The following PLEKHG3 variants were observed in gnomAD, a reference collection of about 807,000 sequenced individuals.
PLEKHG3 encodes the protein pleckstrin homology and RhoGEF domain containing G3.
In PLEKHG3, 62 loss-of-function variants were observed where a neutral mutation model predicts 94.9. The observed-to-expected ratio is 0.65, with a 90% CI of 0.53 to 0.81. The LOEUF is 0.81. PLEKHG3 is among the 30% of genes least tolerant of loss of function. PLEKHG3 has a pLI of 0.00. For synonymous variants in PLEKHG3, 614 were observed against 654.0 expected, an observed-to-expected ratio of 0.94 and a Z score of 0.93; for missense variants, 1,461 against 1,619.3, an observed-to-expected ratio of 0.90 and a Z score of 1.68.
At chr14:64,736,308 C>T (rs1195866751) in intron 12 of PLEKHG3, among the ~76,000 whole-genome samples, 5 of 152,232 alleles carry the variant, frequency 3.3e-5, no homozygotes, top group Non-Finnish European at 2.9e-5. Context: ...TCCGTACAGC[C>T]GGGCAACTCT....
chr14:64,731,124 C>T lies in PLEKHG3; in HGVS notation c.804C>T (p.Tyr268=). 1.9e-6 allele frequency: 3 copies of T among 1,611,274 alleles called. No individual in the cohort carries two copies. Among genetic ancestry groups the T allele is most frequent in the Non-Finnish European group, 2.5e-6 (3 of 1,177,912 alleles). The change falls in exon 7 of 17, where the codon TAC becomes TAT. Residue 268 remains tyrosine (Y), a synonymous_variant. Transcript: ENST00000247226. The surrounding 1 kb of genome is among the most constrained non-coding windows in gnomAD (Gnocchi z 6.1). The part of the protein sequence containing the change: ...AIDTMTCVAW[Y]INDMKRRHEH... ...ACACCATGACCTGTGTGGCCTGGTA[C>T]ATCAACGACATGAAGAGGAGGCATG...
chr14:64,738,030 G>C lies in PLEKHG3; in HGVS notation c.1404+655G>C. 1 of 1,289,494 alleles carries C rather than the reference G, an allele frequency of 7.8e-7. No individual in the cohort carries two copies. Among genetic ancestry groups the C allele is most frequent in the Non-Finnish European group, 1.0e-6 (1 of 989,460 alleles). The allele number at this position is 1,289,494 out of a possible 1,614,324, so 79.9% of individuals were successfully genotyped here. A position where few individuals can be genotyped will look rare whatever the true frequency, so the allele number is the denominator to read the frequency against. Reference sequence around the variant, plus strand: ...AGAGCAGGCCTTTCAGGTCTCTCTGGAGGACCTGACAGGGCATGAAGGCAA... The same window carrying C: ...AGAGCAGGCCTTTCAGGTCTCTCTGCAGGACCTGACAGGGCATGAAGGCAA... On this transcript the variant is annotated intron_variant, in intron 14 of 16. Transcript: ENST00000247226. This position sits in a 1 kb window ranked among gnomAD's most constrained non-coding sequence, Gnocchi z 4.8.
Position 64,741,613 on chromosome 14 carries a change from G to C in PLEKHG3, c.2096G>C (p.Arg699Pro), listed in dbSNP as rs757916685. The C allele has an allele frequency of 1.2e-6, 2 of 1,612,788 alleles. No homozygotes were observed. The highest frequency in any genetic ancestry group is 2.7e-5 in the African/African-American group (2 of 74,946). ...PSPGCPVEPD[R>P]SSCKKKESAL... ...CCAGGCTGCCCAGTGGAGCCTGACC[G>C]GTCTTCCTGCAAGAAGAAGGAATCA... Residue 699 changes from arginine (R) to proline (P), a missense_variant, in exon 16 of 17, where the codon CGG becomes CCG. Around this residue, in one of 3 missense-constraint regions of PLEKHG3, gnomAD observed 1,201 missense variants for 1,295.5 expected, o/e 0.93. Coordinates refer to ENST00000247226, the MANE Select transcript of PLEKHG3 (RefSeq NM_001308147.2).
Position 64,717,515 on chromosome 14 carries a change from T to C in PLEKHG3, c.-39-10078T>C, listed in dbSNP as rs2081190298. ...CTCCTCCCCCAGCCCAGTTGAGAGC[T>C]GCTGGCCTGAAATTCCTCTGAGAGA... On this transcript the variant is annotated intron_variant, in intron 1 of 16. Coordinates refer to ENST00000247226, the MANE Select transcript of PLEKHG3 (RefSeq NM_001308147.2). The surrounding 1 kb of genome is among the most constrained non-coding windows in gnomAD (Gnocchi z 4.7). Among the ~76,000 whole-genome samples the C allele has an allele frequency of 6.6e-6, 1 of 152,208 alleles. No individual in the cohort carries two copies.
chr14:64,708,198 T>C (rs1258374736), intron 1 of PLEKHG3, among the ~76,000 whole-genome samples: 2 of 152,198 alleles, frequency 1.3e-5, no homozygotes, highest in Admixed American at 6.5e-5. Context: ...AGGTATGTCC[T>C]ATGCCCACCC....
chr14:64,728,917 C>G lies in PLEKHG3; in HGVS notation c.352-79C>G. On this transcript the variant is annotated intron_variant, in intron 2 of 16. Coordinates refer to ENST00000247226, the MANE Select transcript of PLEKHG3 (RefSeq NM_001308147.2). This position sits in a 1 kb window ranked among gnomAD's most constrained non-coding sequence, Gnocchi z 5.9. The stretch of plus-strand genomic sequence containing the variant: ...TCCGTGAAGTGGTGTTACAGCAGGG[C>G]CGAAACGAGGTGTGGCTAGGGAAGG... 1.7e-6 allele frequency: 1 copy of G among 597,474 alleles called. No individual in the cohort carries two copies. The highest frequency in any genetic ancestry group is 3.0e-5 in the East Asian group (1 of 33,340). 37.0% of individuals were successfully genotyped at this position (597,474 alleles called of 1,614,324 possible). A position where few individuals can be genotyped will look rare whatever the true frequency, so the allele number is the denominator to read the frequency against.
At position 64,749,187 on chromosome 14, in the gene PLEKHG3, C is replaced by T. The variant is rs2081900179; in HGVS notation, c.*5484C>T. ...TGCAGTGCAGCGTGGGGCCCGGGGG[C>T]CCGGCCCGCGACTCGACTCATCTCG... On this transcript the variant is annotated 3_prime_UTR_variant, in exon 17 of 17. Coordinates refer to ENST00000247226, the MANE Select transcript of PLEKHG3 (RefSeq NM_001308147.2). This position sits in a 1 kb window ranked among gnomAD's most constrained non-coding sequence, Gnocchi z 4.7. The T allele has an allele frequency of 2.3e-6, 3 of 1,280,362 alleles. No homozygotes were observed. Among genetic ancestry groups the T allele is most frequent in the African/African-American group, 3.0e-5 (2 of 66,770 alleles). The allele number at this position is 1,280,362 out of a possible 1,614,324, so 79.3% of individuals were successfully genotyped here.
Position 64,716,802 on chromosome 14 carries a change from A to G in PLEKHG3, c.-39-10791A>G, listed in dbSNP as rs911640136. On this transcript the variant is annotated intron_variant, in intron 1 of 16. Coordinates refer to ENST00000247226, the MANE Select transcript of PLEKHG3 (RefSeq NM_001308147.2). This position sits in a 1 kb window ranked among gnomAD's most constrained non-coding sequence, Gnocchi z 5.0. ...CAAGGCCTCACTTTTCAAGGAGTAG[A>G]CGCTGCTTCCTCGGCCGTGTCTCTA... Among the ~76,000 whole-genome samples, 5 of 152,106 alleles carry G rather than the reference A, an allele frequency of 3.3e-5. No individual in the cohort carries two copies. The highest frequency in any genetic ancestry group is 9.7e-5 in the African/African-American group (4 of 41,402).
chr14:64,741,945 C>T lies in PLEKHG3; in HGVS notation c.2428C>T (p.Pro810Ser). Residue 810 changes from proline to serine, a missense_variant, in exon 16 of 17, where the codon CCA (proline) becomes TCA (serine). This residue lies in a region of PLEKHG3 where 1,201 missense variants were observed against 1,295.5 expected (regional missense o/e 0.93). Transcript: ENST00000247226. ...TCCCATCTCAGATGCTGAGTTCCGC[C>T]CATCTTCAGAAATTGTGAAGATCTG... The part of the protein sequence containing the change: ...PPPISDAEFR[P>S]SSEIVKIWEG... The T allele has an allele frequency of 6.3e-7, 1 of 1,579,368 alleles. No homozygotes were observed. Among genetic ancestry groups the T allele is most frequent in the Non-Finnish European group, 8.6e-7 (1 of 1,164,656 alleles).
chr14:64,728,902 G>C lies in PLEKHG3; in HGVS notation c.352-94G>C. ...TCACAGTAGGCAATGTCCGTGAAGT[G>C]GTGTTACAGCAGGGCCGAAACGAGG... is the stretch of plus-strand genomic sequence containing the variant. On this transcript the variant is annotated intron_variant, in intron 2 of 16. Transcript: ENST00000247226. The surrounding 1 kb of genome is among the most constrained non-coding windows in gnomAD (Gnocchi z 5.9). The C allele has an allele frequency of 1.8e-6, 1 of 569,832 alleles. No homozygotes were observed. The highest frequency in any genetic ancestry group is 2.1e-5 in the South Asian group (1 of 47,440). 35.3% of individuals were successfully genotyped at this position (569,832 alleles called of 1,614,324 possible).
Position 64,738,652 on chromosome 14 carries a change from TGGG to T in PLEKHG3, c.1405-88_1405-86del. On this transcript the variant is annotated intron_variant, in intron 14 of 16. Coordinates refer to ENST00000247226, the MANE Select transcript of PLEKHG3 (RefSeq NM_001308147.2). The surrounding 1 kb of genome is among the most constrained non-coding windows in gnomAD (Gnocchi z 4.8). ...TGGCTCTCAGCTCAGCCCAGCCCCT[TGGG>T]GCGTGGGAGGCACTGCCCGTGTTGG... The T allele has an allele frequency of 1.1e-6, 1 of 929,344 alleles. No homozygotes were observed. The highest frequency in any genetic ancestry group is 1.7e-6 in the Non-Finnish European group (1 of 584,408). The allele number at this position is 929,344 out of a possible 1,614,324, so 57.6% of individuals were successfully genotyped here.
Position 64,742,096 on chromosome 14 carries a change from A to G in PLEKHG3, c.2579A>G (p.Glu860Gly). The G allele has an allele frequency of 6.2e-7, 1 of 1,610,422 alleles. No individual in the cohort carries two copies. The highest frequency in any genetic ancestry group is 8.5e-7 in the Non-Finnish European group (1 of 1,179,616). ...EEHELGAITE[E>G]SATASPESSS... ...CATGAGCTGGGAGCCATCACAGAGGAGTCGGCCACTGCCTCCCCGGAAAGC... is the reference window on the plus strand; with the variant it reads ...CATGAGCTGGGAGCCATCACAGAGGGGTCGGCCACTGCCTCCCCGGAAAGC... Residue 860 changes from glutamate (E) to glycine (G), a missense_variant, in exon 16 of 17, where the codon GAG (glutamate) becomes GGG (glycine). Physicochemically the swap from Glu to Gly is moderately conservative, Grantham distance 98 (BLOSUM62 -2). Coordinates refer to ENST00000247226, the MANE Select transcript of PLEKHG3 (RefSeq NM_001308147.2).
chr14:64,734,288 C>CTCTTT (rs1328659135), intron 12 of PLEKHG3, among the ~76,000 whole-genome samples: 1 of 152,086 alleles, frequency 6.6e-6, no homozygotes, highest in African/African-American at 2.4e-5. Flanking sequence ...CTCTTCTCTT[C>CTCTTT]TCTTTTCTTT....
In PLEKHG3 at chr14:64,732,521, C is replaced by T. The variant is rs2081488123; in HGVS notation, c.1246+61C>T. 2.7e-6 allele frequency: 4 copies of T among 1,457,786 alleles called. No homozygotes were observed. The highest frequency in any genetic ancestry group is 3.9e-6 in the Non-Finnish European group (4 of 1,037,662). The allele number at this position is 1,457,786 out of a possible 1,614,324, so 90.3% of individuals were successfully genotyped here. ...TCGTGCACATTGCTAGGTCAGGCTG[C>T]ATCCTGGGGAAGCTTTACCTGATAA... On this transcript the variant is annotated intron_variant, in intron 11 of 16. Coordinates refer to ENST00000247226, the MANE Select transcript of PLEKHG3 (RefSeq NM_001308147.2). The surrounding 1 kb of genome is among the most constrained non-coding windows in gnomAD (Gnocchi z 4.9).
At position 64,741,403 on chromosome 14, in the gene PLEKHG3, T is replaced by C. The variant is rs1417887203; in HGVS notation, c.1886T>C (p.Phe629Ser). Residue 629 changes from phenylalanine (F) to serine (S), a missense_variant, in exon 16 of 17, where the codon TTT (phenylalanine) becomes TCT (serine). By Grantham distance (155) the Phe-to-Ser change is radical. Around this residue, in one of 3 missense-constraint regions of PLEKHG3, gnomAD observed 1,201 missense variants for 1,295.5 expected, o/e 0.93. Transcript: ENST00000247226. Reference protein sequence around the residue: ...VAQEDSKSSGFGSPRLVSRSS... With the variant: ...VAQEDSKSSGSGSPRLVSRSS... ...CAGGAGGACAGCAAGTCCAGTGGCT[T>C]TGGGAGCCCGCGGCTGGTCAGCCGG... The C allele has an allele frequency of 1.2e-6, 2 of 1,613,076 alleles. No homozygotes were observed. Among genetic ancestry groups the C allele is most frequent in the East Asian group, 4.5e-5 (2 of 44,866 alleles).
intron 1 of PLEKHG3, among the ~76,000 whole-genome samples, chr14:64,712,265 C>T (rs1190144562): frequency 6.6e-6 from 1 of 151,978 alleles, no homozygotes; most frequent in Non-Finnish European, 1.5e-5. Flanking sequence ...TTGTATCAGC[C>T]CCCCAACTTG....
In PLEKHG3 at chr14:64,731,443, T is replaced by A; in HGVS notation, c.932T>A (p.Val311Glu). The A allele has an allele frequency of 1.2e-6, 2 of 1,613,794 alleles. No individual in the cohort carries two copies. Among genetic ancestry groups the A allele is most frequent in the Non-Finnish European group, 1.7e-6 (2 of 1,179,698 alleles). ...CTTGTCCTGGAGGGCACATTCCGCG[T>A]GCATCGCGTGCGCAATGAAAGGACC... is the stretch of plus-strand genomic sequence containing the variant. The part of the protein sequence containing the change: ...GELVLEGTFR[V>E]HRVRNERTFF... Residue 311 changes from valine (V) to glutamate (E), a missense_variant, in exon 8 of 17, where the codon GTG becomes GAG. Transcript: ENST00000247226. This position sits in a 1 kb window ranked among gnomAD's most constrained non-coding sequence, Gnocchi z 6.1.
rs965451608 is a variant in PLEKHG3, at chr14:64,718,407, C to A, written c.-39-9186C>A. The stretch of plus-strand genomic sequence containing the variant: ...CTCCCATACTGCTCATGCCTGGATT[C>A]TCTCCCTCCTTTTCTTACAGATGCC... On this transcript the variant is annotated intron_variant, in intron 1 of 16. Transcript: ENST00000247226. This position sits in a 1 kb window ranked among gnomAD's most constrained non-coding sequence, Gnocchi z 5.0. Among the ~76,000 whole-genome samples the A allele has an allele frequency of 9.9e-5, 15 of 152,152 alleles. No individual in the cohort carries two copies. The highest frequency in any genetic ancestry group is 3.4e-4 in the African/African-American group (14 of 41,432).
At chr14:64,736,229 G>A (rs1006045617) in intron 12 of PLEKHG3, among the ~76,000 whole-genome samples, 3 of 152,256 alleles carry the variant, frequency 2.0e-5, no homozygotes, top group African/African-American at 7.2e-5. Context: ...AAAAGGCTGG[G>A]GTACACGGTG....
Sources: gnomAD v4.1 joint callset for allele counts (sites outside exome capture counted in the v4.1 genomes callset) on GRCh38, gnomAD v4.1.1 for gene constraint, gnomAD v4.1.1 regional missense constraint, Gnocchi (gnomAD v3.1) non-coding constraint, MANE v1.5 for transcripts, NCBI Gene and HGNC (gene_info 2026-07-23, HGNC 2026-07-21) for gene names.